The following CELF2 variants were observed in gnomAD, a reference collection of about 807,000 sequenced individuals.
CELF2 encodes CUG triplet repeat RNA-binding protein 2.
A neutral mutation model predicts 62.6 loss-of-function variants in CELF2; 8 were observed. The ratio of observed to expected loss-of-function variants is 0.13; its 90% CI spans 0.07 to 0.23. The LOEUF (loss-of-function observed/expected upper bound fraction) is 0.23. Among genes scored for constraint, CELF2 ranks in the 10% least tolerant of loss-of-function variants. The pLI is 1.00. For missense variants in CELF2, 333 were observed against 671.0 expected, an observed-to-expected ratio of 0.50 and a Z score of 5.56; for synonymous variants, 258 against 250.0, an observed-to-expected ratio of 1.03 and a Z score of -0.30.
the CELF2 span, among the ~76,000 whole-genome samples, chr10:10,782,059 T>C: frequency 4.6e-5 from 7 of 152,366 alleles, no homozygotes; most frequent in East Asian, 7.7e-4. Flanking sequence ...ACATAACTTA[T>C]ATGAAAATAT....
At position 10,995,154 on chromosome 10, in the gene CELF2, C is replaced by G. The variant is rs1191638474; in HGVS notation, c.89+75155C>G. ...AAGTTCCTTAAGGGCAGGAGCTATG[C>G]CCCGTGCCTCTTTTGAATCCTCCTT... On this transcript the variant is annotated intron_variant, in intron 2 of 13. Coordinates refer to the CELF2 transcript ENST00000636488. The surrounding 1 kb of genome is among the most constrained non-coding windows in gnomAD (Gnocchi z 4.7). Among the ~76,000 whole-genome samples, 2 of 152,212 alleles carry G rather than the reference C, an allele frequency of 1.3e-5. No individual in the cohort carries two copies. The highest frequency in any genetic ancestry group is 4.8e-5 in the African/African-American group (2 of 41,456).
chr10:10,883,109 A>G (rs2061538106), intron 1 of CELF2, among the ~76,000 whole-genome samples: 1 of 152,176 alleles, frequency 6.6e-6, no homozygotes, highest in South Asian at 2.1e-4. Flanking sequence ...ATTACACAAT[A>G]CTCAAAAATA....
chr10:10,645,608 T>A, the CELF2 span, among the ~76,000 whole-genome samples: 2 of 152,156 alleles, frequency 1.3e-5, no homozygotes, highest in African/African-American at 4.8e-5. Context: ...GAGCCATCAT[T>A]GCACCACCGC....
chr10:10,669,634 A>G, the CELF2 span, among the ~76,000 whole-genome samples: 1 of 152,214 alleles, frequency 6.6e-6, no homozygotes, highest in Admixed American at 6.5e-5. Flanking sequence ...CTACAGGTCT[A>G]TCATCTGCTA....
At position 11,110,971 on chromosome 10, in the gene CELF2, AG is replaced by A. The variant is rs747867915; in HGVS notation, c.75-54512del. 2.6e-5 allele frequency among the ~76,000 whole-genome samples: 4 copies of A among 152,184 alleles called. No homozygotes were observed. The highest frequency in any genetic ancestry group is 5.9e-5 in the Non-Finnish European group (4 of 68,032). The stretch of plus-strand genomic sequence containing the variant: ...CGTCCAGCAAGGCCCTTTTGGGAGA[AG>A]GGTTATAAGGTTGGAAGATAATCAG... On this transcript the variant is annotated intron_variant, in intron 1 of 12. Transcript: ENST00000633077. This position sits in a 1 kb window ranked among gnomAD's most constrained non-coding sequence, Gnocchi z 4.0.
chr10:11,188,009 C>A (rs1379486259), intron 2 of CELF2, among the ~76,000 whole-genome samples: 1 of 152,160 alleles, frequency 6.6e-6, no homozygotes, highest in African/African-American at 2.4e-5. Flanking sequence ...TTTAATATTT[C>A]TTGGGCAGCC....
In CELF2 at chr10:11,334,501, AT is replaced by A. The variant is rs2096083299; in HGVS notation, c.*5451del. On this transcript the variant is annotated 3_prime_UTR_variant, in exon 13 of 13. Transcript: ENST00000633077. ...TCGATTCCACTTAAGTGAATATCTG[AT>A]TTGGGGAAGAGGAAACTGCACAGCA... The A allele has an allele frequency of 6.6e-6, 1 of 152,572 alleles. No homozygotes were observed. The highest frequency in any genetic ancestry group is 2.4e-5 in the African/African-American group (1 of 41,430). 9.5% of individuals were successfully genotyped at this position (152,572 alleles called of 1,614,324 possible). A position where few individuals can be genotyped will look rare whatever the true frequency, so the allele number is the denominator to read the frequency against.
In CELF2 at chr10:11,291,184, G is replaced by T. The variant is rs1279073005; in HGVS notation, c.976+2632G>T. 2.6e-5 allele frequency among the ~76,000 whole-genome samples: 4 copies of T among 152,174 alleles called. No homozygotes were observed. The East Asian group carries it at 5.8e-4, about 22-fold the overall frequency. On this transcript the variant is annotated intron_variant, in intron 9 of 12. Transcript: ENST00000633077. ...CCCATCTCTCCTCCACAGGCCTGGG[G>T]TTTACCCTGTTTTTAAGCGTGTCTC...
chr10:11,114,496 A>T (rs543928940), intron 1 of CELF2, among the ~76,000 whole-genome samples: 10 of 152,204 alleles, frequency 6.6e-5, no homozygotes, highest in Non-Finnish European at 1.3e-4. Context: ...GACTCTTTAA[A>T]AGTTGCTAAT....
chr10:11,030,222 G>A (rs2059877620), intron 1 of CELF2: 1 of 152,096 alleles, frequency 6.6e-6, no homozygotes, highest in African/African-American at 2.4e-5. Context: ...CTTGATTTAG[G>A]ATATACCATG....
In CELF2 at chr10:10,997,680, T is replaced by A. The variant is rs1342393568; in HGVS notation, c.89+77681T>A. 6.6e-6 allele frequency among the ~76,000 whole-genome samples: 1 copy of A among 152,220 alleles called. No homozygotes were observed. Among genetic ancestry groups the A allele is most frequent in the Non-Finnish European group, 1.5e-5 (1 of 68,030 alleles). On this transcript the variant is annotated intron_variant, in intron 2 of 13. Coordinates refer to the CELF2 transcript ENST00000636488. This position sits in a 1 kb window ranked among gnomAD's most constrained non-coding sequence, Gnocchi z 5.3. ...CTAAAAATAGCAAGAATAAATTCGG[T>A]CCCTTTTCCACATAAATATTACATG... is the stretch of plus-strand genomic sequence containing the variant.
the CELF2 span, among the ~76,000 whole-genome samples, chr10:10,665,503 G>T: frequency 6.6e-6 from 1 of 152,030 alleles, no homozygotes; most frequent in African/African-American, 2.4e-5. Context: ...TCACGACCGT[G>T]CAGGGTAGGC....
rs139335812 is a variant in CELF2 at position 11,318,530 on chromosome 10, G to A, written c.1097-2659G>A. On this transcript the variant is annotated intron_variant, in intron 10 of 12. Transcript: ENST00000633077. This position sits in a 1 kb window ranked among gnomAD's most constrained non-coding sequence, Gnocchi z 5.4. ...TTCCAGAAAGCAGATTAGCTCTGAG[G>A]TGTAGTCCAGAGACACAGCCAGCCT... is the stretch of plus-strand genomic sequence containing the variant. 95 of 359,648 alleles carry A rather than the reference G, an allele frequency of 2.6e-4. 1 individual carries two copies. The highest frequency in any genetic ancestry group is 1.7e-3 in the African/African-American group (80 of 46,788). 22.3% of individuals were successfully genotyped at this position (359,648 alleles called of 1,614,324 possible). A position where few individuals can be genotyped will look rare whatever the true frequency, so the allele number is the denominator to read the frequency against.
chr10:11,105,205 C>A (rs1196408241), intron 1 of CELF2, among the ~76,000 whole-genome samples: 1 of 152,200 alleles, frequency 6.6e-6, no homozygotes, highest in Non-Finnish European at 1.5e-5. Flanking sequence ...TTACCACCTG[C>A]AGTCCTAATT....
chr10:10,570,705 A>T, the CELF2 span, among the ~76,000 whole-genome samples: 1 of 152,134 alleles, frequency 6.6e-6, no homozygotes, highest in East Asian at 1.9e-4. Flanking sequence ...AGAATTAGCA[A>T]GTGGGAAGAT....
At chr10:10,567,653 C>T in the CELF2 span, among the ~76,000 whole-genome samples, 3 of 152,170 alleles carry the variant, frequency 2.0e-5, no homozygotes, top group African/African-American at 7.2e-5. Context: ...CCAGAAAATG[C>T]TCAGGCGTCG....
At position 11,145,801 on chromosome 10, in the gene CELF2, C is replaced by T. The variant is rs1428361365; in HGVS notation, c.75-19685C>T. Among the ~76,000 whole-genome samples, 3 of 152,152 alleles carry T rather than the reference C, an allele frequency of 2.0e-5. No individual in the cohort carries two copies. The highest frequency in any genetic ancestry group is 2.1e-4 in the South Asian group (1 of 4,832). ...ACCAGTATTGGTTGCACTACTGTAG[C>T]GTTCTGGGTGCTGGGGATCAGGTTA... On this transcript the variant is annotated intron_variant, in intron 1 of 12. Coordinates refer to ENST00000633077, the MANE Select transcript of CELF2 (RefSeq NM_001326342.2). The surrounding 1 kb of genome is among the most constrained non-coding windows in gnomAD (Gnocchi z 4.3).
intron 2 of CELF2, among the ~76,000 whole-genome samples, chr10:10,930,141 G>C (rs1165861499): frequency 6.6e-6 from 1 of 152,154 alleles, no homozygotes; most frequent in Non-Finnish European, 1.5e-5. Flanking sequence ...GACTATCAAA[G>C]GAATGATCTT....
At chr10:10,920,952 T>C (rs1005501852) in intron 2 of CELF2, among the ~76,000 whole-genome samples, 2 of 152,094 alleles carry the variant, frequency 1.3e-5, no homozygotes, top group African/African-American at 4.8e-5. Context: ...TTTGTTGTTG[T>C]TGTTGTTGTT....
Sources: gnomAD v4.1 joint callset for allele counts (sites outside exome capture counted in the v4.1 genomes callset) on GRCh38, gnomAD v4.1.1 for gene constraint, Gnocchi (gnomAD v3.1) non-coding constraint, MANE v1.5 for transcripts, NCBI Gene and HGNC (gene_info 2026-07-23, HGNC 2026-07-21) for gene names.